Variants in EPHA2 observed in about 807,000 individuals in gnomAD.
EPHA2 encodes the protein ephrin type-A receptor 2.
Under a neutral mutation model 104.9 loss-of-function variants are expected in EPHA2, and 54 were observed. The ratio of observed to expected loss-of-function variants is 0.51; its 90% CI spans 0.41 to 0.65. The LOEUF is 0.65. Ranked by LOEUF, EPHA2 falls within the 30% of genes least tolerant of loss-of-function variation. The probability of loss-of-function intolerance (pLI) is 0.00; values close to 1 mark genes in which losing one functional copy is unlikely to be tolerated. For missense variants in EPHA2, 1,117 were observed against 1,369.5 expected, an observed-to-expected ratio of 0.82 and a Z score of 2.91; for synonymous variants, 560 against 559.1, an observed-to-expected ratio of 1.00 and a Z score of -0.02.
rs375951394 is a variant in EPHA2, at chr1:16,128,156, C to T, written c.2825+1278G>A. 1.4e-4 allele frequency among the ~76,000 whole-genome samples: 21 copies of T among 152,302 alleles called. No individual in the cohort carries two copies. The South Asian group carries it at 2.7e-3, about 20-fold the overall frequency. ...CACTGTATACCAGTCGTGTCATCTG[C>T]GCTGCACCCATGCAATCCCATCAAA... On this transcript the variant is annotated intron_variant, in intron 16 of 16. Transcript: ENST00000358432. This position sits in a 1 kb window ranked among gnomAD's most constrained non-coding sequence, Gnocchi z 4.7.
chr1:16,140,684 T>C (rs2024808673), intron 3 of EPHA2, among the ~76,000 whole-genome samples: 1 of 152,018 alleles, frequency 6.6e-6, no homozygotes, highest in South Asian at 2.1e-4. Context: ...AGTGGTGGGA[T>C]CTCAGCTCAC....
rs748560372 is a variant in EPHA2, at chr1:16,133,282, C to T, written c.1951G>A (p.Gly651Ser). Residue 651 changes from glycine (G) to serine (S), a missense_variant, in exon 11 of 17, where the codon GGC becomes AGC. Transcript: ENST00000358432. Reference protein sequence around the residue: ...VPVAIKTLKAGYTEKQRVDFL... With the variant: ...VPVAIKTLKASYTEKQRVDFL... The stretch of plus-strand genomic sequence containing the variant: ...TCCACTCGCTGCTTCTCTGTGTAGC[C>T]GGCTTTCAGCGTCTTGATGGCCACC... 9.3e-6 allele frequency: 15 copies of T among 1,613,794 alleles called. No individual in the cohort carries two copies. In the East Asian group the frequency reaches 1.6e-4, roughly 17 times the overall value.
At chr1:16,144,169 G>A (rs766732832) in intron 3 of EPHA2, among the ~76,000 whole-genome samples, 7 of 152,144 alleles carry the variant, frequency 4.6e-5, no homozygotes, top group South Asian at 2.1e-4. Context: ...AGAAGCCGGT[G>A]CCCGCCCAGC....
chr1:16,144,673 T>G (rs2124249398), intron 3 of EPHA2, among the ~76,000 whole-genome samples: 1 of 152,284 alleles, frequency 6.6e-6, no homozygotes, highest in South Asian at 2.1e-4. Flanking sequence ...ACAGCGTCCT[T>G]CAGGGCCACA....
At chr1:16,149,073 G>A in intron 2 of EPHA2, 26 bp from the exon 3 acceptor site, 1 of 1,608,502 alleles carries the variant, frequency 6.2e-7, no homozygotes, top group Non-Finnish European at 8.5e-7. Flanking sequence ...ACAGGTTAGT[G>A]TGGGCAGGTG....
Position 16,135,166 on chromosome 1 carries a change from C to T in EPHA2, c.1452G>A (p.Val484=), listed in dbSNP as rs777386974. 5.6e-6 allele frequency: 9 copies of T among 1,613,816 alleles called. No homozygotes were observed. In the Admixed American group the frequency reaches 1.2e-4, roughly 21 times the overall value. The change falls in exon 7 of 17, where the codon GTG becomes GTA. Residue 484 remains valine (V), a synonymous_variant. Coordinates refer to ENST00000358432, the MANE Select transcript of EPHA2 (RefSeq NM_004431.5). The surrounding 1 kb of genome is among the most constrained non-coding windows in gnomAD (Gnocchi z 4.3). Reference sequence around the variant, plus strand: ...TCACGGAGAAACCCTCGGTGCGGCGCACATTGTAGCTGTTGGAGTCTCCCT... The same window carrying T: ...TCACGGAGAAACCCTCGGTGCGGCGTACATTGTAGCTGTTGGAGTCTCCCT... ...RKKGDSNSYN[V]RRTEGFSVTL... is the part of the protein sequence containing the mutation.
At chr1:16,147,136 G>C (rs780607692) in intron 3 of EPHA2, among the ~76,000 whole-genome samples, 19 of 152,242 alleles carry the variant, frequency 1.2e-4, no homozygotes, top group Non-Finnish European at 1.0e-4. Flanking sequence ...CGCTGTCACA[G>C]GCCCTGGCCA....
In EPHA2 at chr1:16,135,171, T is replaced by A. The variant is rs2024659397; in HGVS notation, c.1447A>T (p.Asn483Tyr). The part of the protein sequence containing the change: ...YRKKGDSNSY[N>Y]VRRTEGFSVT... ...GAGAAACCCTCGGTGCGGCGCACAT[T>A]GTAGCTGTTGGAGTCTCCCTGTGGG... Residue 483 changes from asparagine to tyrosine, a missense_variant, in exon 7 of 17, where the codon AAT (asparagine) becomes TAT (tyrosine). This residue lies in a region of EPHA2 where 664 missense variants were observed against 784.8 expected (regional missense o/e 0.85). Transcript: ENST00000358432. The surrounding 1 kb of genome is among the most constrained non-coding windows in gnomAD (Gnocchi z 4.3). 1 of 1,613,786 alleles carries A rather than the reference T, an allele frequency of 6.2e-7. No individual in the cohort carries two copies. The highest frequency in any genetic ancestry group is 1.3e-5 in the African/African-American group (1 of 75,000).
At position 16,148,504 on chromosome 1, in the gene EPHA2, G is replaced by A. The variant is rs200823845; in HGVS notation, c.697C>T (p.His233Tyr). The A allele has an allele frequency of 4.8e-5, 77 of 1,613,680 alleles. No individual in the cohort carries two copies. Among genetic ancestry groups the A allele is most frequent in the Non-Finnish European group, 5.6e-5 (66 of 1,180,038 alleles). ...TCACCCCCCGGTGGCACCACGGCAT[G>A]GTCCACACAGGTGCCGGCCACAGTG... The part of the protein sequence containing the change: ...LATVAGTCVD[H>Y]AVVPPGGEEP... The change falls in exon 3 of 17, where the codon CAT becomes TAT. Residue 233 changes from histidine (H) to tyrosine (Y), a missense_variant. Coordinates refer to ENST00000358432, the MANE Select transcript of EPHA2 (RefSeq NM_004431.5). The surrounding 1 kb of genome is among the most constrained non-coding windows in gnomAD (Gnocchi z 4.9).
chr1:16,131,731 G>A lies in EPHA2; in HGVS notation c.2465C>T (p.Ser822Phe). The A allele has an allele frequency of 6.2e-7, 1 of 1,614,078 alleles. No individual in the cohort carries two copies. The highest frequency in any genetic ancestry group is 1.1e-5 in the South Asian group (1 of 91,070). The change falls in exon 14 of 17, where the codon TCC becomes TTC. Residue 822 changes from serine (S) to phenylalanine (F), a missense_variant. Ser to Phe is a radical substitution (Grantham distance 155). This residue lies in a region of EPHA2 where 340 missense variants were observed against 480.5 expected (regional missense o/e 0.71). Coordinates refer to ENST00000358432, the MANE Select transcript of EPHA2 (RefSeq NM_004431.5). The surrounding 1 kb of genome is among the most constrained non-coding windows in gnomAD (Gnocchi z 5.2). ...TYGERPYWEL[S>F]NHEVMKAIND... ...GGCAAGGGCACCCACCTCGTGGTTGGACAACTCCCAGTAGGGCCGCTCGCC... is the reference window on the plus strand; with the variant it reads ...GGCAAGGGCACCCACCTCGTGGTTGAACAACTCCCAGTAGGGCCGCTCGCC...
At chr1:16,143,032 G>A (rs1165106971) in intron 3 of EPHA2, among the ~76,000 whole-genome samples, 1 of 141,334 alleles carries the variant, frequency 7.1e-6, no homozygotes, top group Middle Eastern at 3.7e-3. Flanking sequence ...TAGGTGGGTG[G>A]TTGGGTGGAG....
In EPHA2 at chr1:16,132,103, G is replaced by T; in HGVS notation, c.2286C>A (p.Arg762=). The T allele has an allele frequency of 6.2e-7, 1 of 1,613,972 alleles. No homozygotes were observed. The highest frequency in any genetic ancestry group is 8.5e-7 in the Non-Finnish European group (1 of 1,179,972). The change falls in exon 13 of 17, where the codon CGC becomes CGA. Residue 762 remains arginine, a synonymous_variant. Coordinates refer to ENST00000358432, the MANE Select transcript of EPHA2 (RefSeq NM_004431.5). ...VCKVSDFGLS[R]VLEDDPEATY... Reference sequence around the variant, plus strand: ...TGGCCTCGGGGTCGTCCTCCAGCACGCGGGACAGGCCAAAGTCAGACACCT... The same window carrying T: ...TGGCCTCGGGGTCGTCCTCCAGCACTCGGGACAGGCCAAAGTCAGACACCT...
In EPHA2 at chr1:16,148,160, G is replaced by A. The variant is rs533895954; in HGVS notation, c.823+218C>T. Among the ~76,000 whole-genome samples the A allele has an allele frequency of 1.7e-3, 264 of 152,256 alleles. 1 individual carries two copies. The highest frequency in any genetic ancestry group is 6.2e-3 in the African/African-American group (259 of 41,542). On this transcript the variant is annotated intron_variant, in intron 3 of 16. Coordinates refer to ENST00000358432, the MANE Select transcript of EPHA2 (RefSeq NM_004431.5). This position sits in a 1 kb window ranked among gnomAD's most constrained non-coding sequence, Gnocchi z 4.9. ...CAAAGTGCTGGGATTACAGGCATGA[G>A]CCACCGTGCCCAGCCACAATTCATT...
At position 16,133,787 on chromosome 1, in the gene EPHA2, C is replaced by T. The variant is rs2024627355; in HGVS notation, c.1738+73G>A. ...CCCCAGTGCCCTGGGAACACCCTGG[C>T]TGCCCCCACCTCCCCCACAGAGCTG... On this transcript the variant is annotated intron_variant, in intron 9 of 16. Coordinates refer to ENST00000358432, the MANE Select transcript of EPHA2 (RefSeq NM_004431.5). 3 of 1,495,784 alleles carry T rather than the reference C, an allele frequency of 2.0e-6. No homozygotes were observed. The East Asian group carries it at 7.4e-5, about 37-fold the overall frequency. 92.7% of individuals were successfully genotyped at this position (1,495,784 alleles called of 1,614,324 possible).
intron 3 of EPHA2, among the ~76,000 whole-genome samples, chr1:16,140,524 T>C (rs1263261509): frequency 6.6e-6 from 1 of 152,210 alleles, no homozygotes; most frequent in East Asian, 1.9e-4. Flanking sequence ...CAAAAAAGCT[T>C]GTCCAAGGTC....
rs1031147847 is a variant in EPHA2, at chr1:16,124,995, G to C, written c.*220C>G. On this transcript the variant is annotated 3_prime_UTR_variant, in exon 17 of 17. Coordinates refer to ENST00000358432, the MANE Select transcript of EPHA2 (RefSeq NM_004431.5). ...CGTGGCGGTGCCTGCTAAGTGCTCA[G>C]CTGTGTGCGTCTCGCAGGGAAAGAG... is the stretch of plus-strand genomic sequence containing the variant. 3 of 592,570 alleles carry C rather than the reference G, an allele frequency of 5.1e-6. No individual in the cohort carries two copies. In the African/African-American group the frequency reaches 5.6e-5, roughly 11 times the overall value. 36.7% of individuals were successfully genotyped at this position (592,570 alleles called of 1,614,324 possible). A position where few individuals can be genotyped will look rare whatever the true frequency, so the allele number is the denominator to read the frequency against.
At chr1:16,145,728 C>T (rs546653576) in intron 3 of EPHA2, among the ~76,000 whole-genome samples, 50 of 152,294 alleles carry the variant, frequency 3.3e-4, no homozygotes, top group African/African-American at 1.2e-3. Flanking sequence ...AGAGCCTACC[C>T]CAGGGCCAGG....
intron 5 of EPHA2, among the ~76,000 whole-genome samples, chr1:16,136,705 GAAGAAGAA>G (rs1197881186): frequency 0.029 from 2,588 of 90,602 alleles, 193 homozygotes; most frequent in African/African-American, 0.17. Flanking sequence ...AGAAGAAGAA[GAAGAAGAA>G]AAGAAGAAGA....
At chr1:16,143,173 T>TGGATGGAC (rs1296541760) in intron 3 of EPHA2, among the ~76,000 whole-genome samples, 1 of 143,776 alleles carries the variant, frequency 7.0e-6, no homozygotes, top group Non-Finnish European at 1.5e-5. Flanking sequence ...GATGGATGGA[T>TGGATGGAC]GGATGGATGG....
Sources: allele counts gnomAD v4.1 joint callset (sites outside exome capture counted in the v4.1 genomes callset), GRCh38; gene constraint gnomAD v4.1.1; regional missense constraint gnomAD v4.1.1; non-coding constraint Gnocchi (gnomAD v3.1); transcripts MANE v1.5; gene names NCBI Gene and HGNC (gene_info 2026-07-23, HGNC 2026-07-21).